SPECC1: variants seen among roughly 807,000 people sequenced by gnomAD.
SPECC1 encodes the protein cytospin-B.
Under a neutral mutation model 104.1 loss-of-function variants are expected in SPECC1, and 62 were observed. That is an observed-to-expected ratio of 0.60 (90% CI 0.49 to 0.74). The LOEUF is 0.74. Among genes scored for constraint, SPECC1 ranks in the 30% least tolerant of loss-of-function variants. The probability of loss-of-function intolerance (pLI) is 0.00; values close to 1 mark genes in which losing one functional copy is unlikely to be tolerated. For synonymous variants in SPECC1, 513 were observed against 501.6 expected (o/e 1.02, Z -0.30); for missense variants, 1,306 against 1,310.5 (o/e 1.00, Z 0.05).
chr17:20,156,012 C>A (rs1052532986), intron 3 of SPECC1: 10 of 1,287,202 alleles, frequency 7.8e-6, no homozygotes, highest in Non-Finnish European at 9.8e-6. Context: ...GGGCGGGGCC[C>A]ACGGGCGCGG....
At chr17:20,211,768 C>G (rs1198844088) in intron 4 of SPECC1, among the ~76,000 whole-genome samples, 1 of 152,234 alleles carries the variant, frequency 6.6e-6, no homozygotes, top group African/African-American at 2.4e-5. Flanking sequence ...GAACCTGTGG[C>G]TCCGACCCCT....
chr17:20,247,649 G>T (rs1183629376), intron 9 of SPECC1, among the ~76,000 whole-genome samples: 1 of 152,120 alleles, frequency 6.6e-6, no homozygotes, highest in African/African-American at 2.4e-5. Context: ...TTGCAGAAAC[G>T]ATTCTTTTTA....
chr17:20,111,173 A>G (rs2048472277), intron 3 of SPECC1, among the ~76,000 whole-genome samples: 1 of 152,238 alleles, frequency 6.6e-6, no homozygotes, highest in Non-Finnish European at 1.5e-5. Context: ...GCATATAGAT[A>G]ATAACTCTTA....
chr17:20,309,746 G>A (rs2041874061), intron 14 of SPECC1, among the ~76,000 whole-genome samples: 1 of 151,568 alleles, frequency 6.6e-6, no homozygotes, highest in African/African-American at 2.4e-5. Flanking sequence ...TTTTATGGCT[G>A]CATAGTATTC....
intron 1 of SPECC1, among the ~76,000 whole-genome samples, chr17:20,051,382 C>T (rs1002213297): frequency 1.3e-5 from 2 of 151,946 alleles, no homozygotes; most frequent in African/African-American, 4.8e-5. Flanking sequence ...ACCATGTTGG[C>T]CAGGCTGGTC....
chr17:20,130,739 A>G (rs2049573937), intron 3 of SPECC1, among the ~76,000 whole-genome samples: 1 of 152,206 alleles, frequency 6.6e-6, no homozygotes, highest in South Asian at 2.1e-4. Context: ...TTGACTTCCC[A>G]TATAAATATA....
chr17:20,154,988 A>C (rs988794731), intron 3 of SPECC1, among the ~76,000 whole-genome samples: 1 of 152,222 alleles, frequency 6.6e-6, no homozygotes, highest in Non-Finnish European at 1.5e-5. Context: ...GGAGGTGTCA[A>C]GAGAAGGTGT....
At chr17:20,189,917 C>T (rs2035545435) in intron 3 of SPECC1, among the ~76,000 whole-genome samples, 1 of 152,140 alleles carries the variant, frequency 6.6e-6, no homozygotes, top group South Asian at 2.1e-4. Context: ...CTGCTGTTTG[C>T]TTTTAACAAA....
intron 12 of SPECC1, among the ~76,000 whole-genome samples, chr17:20,286,082 G>C (rs935120935): frequency 3.3e-5 from 5 of 152,138 alleles, no homozygotes; most frequent in Middle Eastern, 3.2e-3. Context: ...AAAGTGCTGG[G>C]ATTTGTGAGC....
At chr17:20,037,415 T>TG (rs528101710) in intron 1 of SPECC1, among the ~76,000 whole-genome samples, 174 of 152,182 alleles carry the variant, frequency 1.1e-3, no homozygotes, top group African/African-American at 4.0e-3. Context: ...CCTCCCAAAG[T>TG]GCTGAGATTA....
chr17:20,269,785 C>G (rs1258783875), intron 12 of SPECC1, among the ~76,000 whole-genome samples: 1 of 152,230 alleles, frequency 6.6e-6, no homozygotes, highest in African/African-American at 2.4e-5. Flanking sequence ...CTCGGGACTT[C>G]CTGCCCTGTG....
rs1294887928 is a variant in SPECC1 at position 20,110,414 on chromosome 17, C to T, written c.148-13C>T. On this transcript the variant is annotated splice_polypyrimidine_tract_variant and intron_variant, in intron 2 of 14. Transcript: ENST00000395527. ...ACCTCTTCATCCTCTCTCTTTCCTT[C>T]CAACTCTCTCAGCTCAAGAGGGCCA... The T allele has an allele frequency of 6.2e-7, 1 of 1,602,564 alleles. No individual in the cohort carries two copies. The highest frequency in any genetic ancestry group is 1.1e-5 in the South Asian group (1 of 89,924).
At chr17:20,121,862 G>A (rs1355108135) in intron 3 of SPECC1, among the ~76,000 whole-genome samples, 1 of 152,164 alleles carries the variant, frequency 6.6e-6, no homozygotes, top group Non-Finnish European at 1.5e-5. Flanking sequence ...TACAAGTTCT[G>A]GTTCTGACAA....
chr17:20,170,799 G>A (rs1037492579), intron 3 of SPECC1, among the ~76,000 whole-genome samples: 2 of 151,852 alleles, frequency 1.3e-5, no homozygotes, highest in African/African-American at 2.4e-5. Context: ...TTAAGATTAC[G>A]GTTTATGATA....
chr17:20,038,203 G>A (rs1200834745), intron 1 of SPECC1, among the ~76,000 whole-genome samples: 1 of 151,662 alleles, frequency 6.6e-6, no homozygotes, highest in Non-Finnish European at 1.5e-5. Flanking sequence ...TTGTGTTTCT[G>A]TTTTCAATTT....
intron 3 of SPECC1, among the ~76,000 whole-genome samples, chr17:20,197,130 C>G (rs2036090398): frequency 1.3e-5 from 2 of 152,250 alleles, no homozygotes; most frequent in South Asian, 4.1e-4. Flanking sequence ...GGATTACTGG[C>G]TTTAAGGTGG....
At chr17:20,281,423 C>T (rs904276182) in intron 12 of SPECC1, among the ~76,000 whole-genome samples, 16 of 152,202 alleles carry the variant, frequency 1.1e-4, no homozygotes, top group African/African-American at 3.1e-4. Flanking sequence ...GCTGTCCTGC[C>T]TGCCTGCACC....
At chr17:20,122,324 T>C (rs899015293) in intron 3 of SPECC1, among the ~76,000 whole-genome samples, 20 of 151,792 alleles carry the variant, frequency 1.3e-4, no homozygotes, top group African/African-American at 4.8e-4. Flanking sequence ...TTGTTGAGAG[T>C]GGACAGATGG....
At chr17:20,246,160 C>G (rs1250158790) in intron 8 of SPECC1, 89 bp downstream of exon 8, 4 of 1,501,844 alleles carry the variant, frequency 2.7e-6, no homozygotes, top group Non-Finnish European at 3.6e-6. Context: ...TCCACCCTGG[C>G]CCTGTGTTGT....
Sources: gnomAD v4.1 joint callset for allele counts (sites outside exome capture counted in the v4.1 genomes callset) on GRCh38, gnomAD v4.1.1 for gene constraint, MANE v1.5 for transcripts, NCBI Gene and HGNC (gene_info 2026-07-23, HGNC 2026-07-21) for gene names.